The following GOLM2 variants were observed in gnomAD, a reference collection of about 807,000 sequenced individuals.
GOLM2 encodes protein GOLM2.
GOLM2 carries 26 observed loss-of-function variants against 55.9 expected under a neutral mutation model. The observed-to-expected ratio is 0.47, with a 90% CI of 0.34 to 0.65. GOLM2 has a LOEUF of 0.65. GOLM2 is among the 30% of genes least tolerant of loss of function. GOLM2 has a pLI of 0.01. For missense variants in GOLM2, 486 were observed against 531.8 expected (o/e 0.91, Z 0.85); for synonymous variants, 165 against 194.6 (o/e 0.85, Z 1.27).
At chr15:44,412,004 A>G (rs904310037) in intron 9 of GOLM2, among the ~76,000 whole-genome samples, 6 of 152,090 alleles carry the variant, frequency 3.9e-5, no homozygotes, top group Admixed American at 3.9e-4. Context: ...TGTCTTTACA[A>G]AAAATACAAA....
intron 6 of GOLM2, among the ~76,000 whole-genome samples, chr15:44,348,311 G>T (rs1188159955): frequency 6.6e-6 from 1 of 151,166 alleles, no homozygotes; most frequent in Non-Finnish European, 1.5e-5. Flanking sequence ...CTAGAAGGGA[G>T]CCTGTTGCTC....
intron 8 of GOLM2, among the ~76,000 whole-genome samples, chr15:44,395,388 T>G (rs1396616523): frequency 6.6e-6 from 1 of 151,996 alleles, no homozygotes; most frequent in East Asian, 1.9e-4. Context: ...CAAAAGTGAC[T>G]CATCTTGGTG....
At chr15:44,369,624 C>A (rs1232746474) in intron 6 of GOLM2, among the ~76,000 whole-genome samples, 1 of 150,024 alleles carries the variant, frequency 6.7e-6, no homozygotes, top group Non-Finnish European at 1.5e-5. Context: ...GAGTTTGAGA[C>A]CAGCCTGTAT....
In GOLM2 at chr15:44,413,862, G is replaced by GT. The variant is rs1159322174; in HGVS notation, c.*457dup. On this transcript the variant is annotated 3_prime_UTR_variant, in exon 10 of 10. Coordinates refer to ENST00000299957, the MANE Select transcript of GOLM2 (RefSeq NM_138423.4). ...TTTTAGTCTTGTTTCCCAGGCTGGA[G>GT]TGCAATGGCACAATCTTGGCTCACT... is the stretch of plus-strand genomic sequence containing the variant. The GT allele has an allele frequency of 6.7e-6, 1 of 150,010 alleles. No individual in the cohort carries two copies. Among genetic ancestry groups the GT allele is most frequent in the African/African-American group, 2.5e-5 (1 of 40,486 alleles). 9.3% of individuals were successfully genotyped at this position (150,010 alleles called of 1,614,324 possible). A position where few individuals can be genotyped will look rare whatever the true frequency, so the allele number is the denominator to read the frequency against.
In GOLM2 at chr15:44,288,871, G is replaced by A; in HGVS notation, c.-159G>A. 1 of 642,638 alleles carries A rather than the reference G, an allele frequency of 1.6e-6. No individual in the cohort carries two copies. The highest frequency in any genetic ancestry group is 2.6e-6 in the Non-Finnish European group (1 of 381,126). The allele number at this position is 642,638 out of a possible 1,614,324, so 39.8% of individuals were successfully genotyped here. A position where few individuals can be genotyped will look rare whatever the true frequency, so the allele number is the denominator to read the frequency against. ...GGGCGGGGAGGGACCTGCGGCTTGC[G>A]GCCCCGCCCCCTTCTCCGGCTCGCA... On this transcript the variant is annotated 5_prime_UTR_variant, in exon 1 of 10. Coordinates refer to ENST00000299957, the MANE Select transcript of GOLM2 (RefSeq NM_138423.4).
At position 44,321,590 on chromosome 15, in the gene GOLM2, A is replaced by G. The variant is rs1392062030; in HGVS notation, c.328-1375A>G. Among the ~76,000 whole-genome samples the G allele has an allele frequency of 6.6e-5, 10 of 152,114 alleles. No homozygotes were observed. In the East Asian group the frequency reaches 1.9e-3, roughly 29 times the overall value. On this transcript the variant is annotated intron_variant, in intron 1 of 9. Coordinates refer to ENST00000299957, the MANE Select transcript of GOLM2 (RefSeq NM_138423.4). ...AAATCTGCACATATTTTAAAATGACATAGAGCTATACATTCATATTGTACC... is the reference window on the plus strand; with the variant it reads ...AAATCTGCACATATTTTAAAATGACGTAGAGCTATACATTCATATTGTACC...
intron 8 of GOLM2, among the ~76,000 whole-genome samples, chr15:44,397,508 CCACACACACA>C (rs10695192): frequency 7.7e-6 from 1 of 130,006 alleles, no homozygotes. Context: ...AAAAACAAAA[CCACACACACA>C]CACACACACA....
chr15:44,400,736 C>T (rs373404609), intron 8 of GOLM2, among the ~76,000 whole-genome samples: 59 of 151,980 alleles, frequency 3.9e-4, no homozygotes, highest in East Asian at 9.7e-4. Context: ...GCCACCACAC[C>T]GGGCTAATTT....
chr15:44,335,253 G>A (rs2079048990), intron 4 of GOLM2, among the ~76,000 whole-genome samples: 1 of 152,074 alleles, frequency 6.6e-6, no homozygotes, highest in Admixed American at 6.6e-5. Flanking sequence ...TGAGTAAGGG[G>A]TGATTACTTT....
At chr15:44,321,665 C>T (rs752175515) in intron 1 of GOLM2, among the ~76,000 whole-genome samples, 1 of 152,124 alleles carries the variant, frequency 6.6e-6, no homozygotes, top group African/African-American at 2.4e-5. Context: ...ATAAGATGCA[C>T]CCATTGTGGG....
intron 6 of GOLM2, among the ~76,000 whole-genome samples, chr15:44,352,098 G>C (rs563774250): frequency 1.3e-5 from 2 of 152,158 alleles, no homozygotes; most frequent in East Asian, 3.9e-4. Context: ...ATCATAAAAG[G>C]CCTAGAATAG....
chr15:44,322,485 C>A (rs1331085751), intron 1 of GOLM2, among the ~76,000 whole-genome samples: 1 of 152,158 alleles, frequency 6.6e-6, no homozygotes, highest in East Asian at 1.9e-4. Flanking sequence ...ATTTTAGTTA[C>A]ATTTTACAAT....
intron 6 of GOLM2, among the ~76,000 whole-genome samples, chr15:44,349,916 G>A (rs2079150598): frequency 6.6e-6 from 1 of 152,146 alleles, no homozygotes; most frequent in African/African-American, 2.4e-5. Flanking sequence ...AAGAGATTAA[G>A]AAGGAAATTG....
Position 44,310,527 on chromosome 15 carries a change from T to C in GOLM2, c.328-12438T>C, listed in dbSNP as rs1038217036. 7.6e-4 allele frequency among the ~76,000 whole-genome samples: 103 copies of C among 135,942 alleles called. 1 individual carries two copies. The highest frequency in any genetic ancestry group is 1.7e-3 in the Admixed American group (24 of 13,998). The allele number at this position is 135,942 out of a possible 152,430, so 89.2% of individuals were successfully genotyped here. A position where few individuals can be genotyped will look rare whatever the true frequency, so the allele number is the denominator to read the frequency against. ...CCACACACACACACACACACACACA[T>C]ACATATTCAGATAGCCAGGTGTGGT... On this transcript the variant is annotated intron_variant, in intron 1 of 9. Coordinates refer to ENST00000299957, the MANE Select transcript of GOLM2 (RefSeq NM_138423.4).
chr15:44,409,626 A>G (rs796327638), intron 9 of GOLM2: 2 of 111,428 alleles, frequency 1.8e-5, no homozygotes, highest in African/African-American at 3.4e-5. Context: ...AAAAAAAAAA[A>G]TGCTGGGCGC....
chr15:44,386,778 G>C (rs1233197514), intron 8 of GOLM2, among the ~76,000 whole-genome samples: 2 of 152,202 alleles, frequency 1.3e-5, no homozygotes, highest in African/African-American at 2.4e-5. Flanking sequence ...TGCTGAGGTG[G>C]GAGGATTGCT....
At position 44,370,681 on chromosome 15, in the gene GOLM2, C is replaced by T. The variant is rs549849111; in HGVS notation, c.803-9009C>T. 3.7e-3 allele frequency among the ~76,000 whole-genome samples: 557 copies of T among 152,112 alleles called. 3 individuals are homozygous for T. The highest frequency in any genetic ancestry group is 0.014 in the Middle Eastern group (4 of 294). On this transcript the variant is annotated intron_variant, in intron 6 of 9. Transcript: ENST00000299957. ...TATTTTTTATTTTTAATAGGGAAGA[C>T]GGGGAGAATTTTAGCCTTTTTTGTG...
intron 6 of GOLM2, among the ~76,000 whole-genome samples, chr15:44,374,457 T>A (rs1056862554): frequency 6.6e-6 from 1 of 151,984 alleles, no homozygotes; most frequent in Non-Finnish European, 1.5e-5. Context: ...AAGACCAGCC[T>A]GGGCAATATA....
intron 1 of GOLM2, among the ~76,000 whole-genome samples, chr15:44,296,237 C>A (rs1323469116): frequency 6.6e-6 from 1 of 152,136 alleles, no homozygotes; most frequent in Non-Finnish European, 1.5e-5. Context: ...TGGATTCTTG[C>A]AAACTGTAGC....
Sources: allele counts gnomAD v4.1 joint callset (sites outside exome capture counted in the v4.1 genomes callset), GRCh38; gene constraint gnomAD v4.1.1; transcripts MANE v1.5; gene names NCBI Gene and HGNC (gene_info 2026-07-23, HGNC 2026-07-21).